ATP13A4: variants seen among roughly 807,000 people sequenced by gnomAD.
The protein encoded by ATP13A4 is probable cation-transporting ATPase 13A4.
In ATP13A4, 114 loss-of-function variants were observed where a neutral mutation model predicts 142.5. The ratio of observed to expected loss-of-function variants is 0.80; its 90% CI spans 0.69 to 0.93. The LOEUF (loss-of-function observed/expected upper bound fraction) is 0.93. ATP13A4 is among the 40% of genes least tolerant of loss of function. The pLI is 0.00. For synonymous variants in ATP13A4, 488 were observed against 514.8 expected (o/e 0.95, Z 0.70); for missense variants, 1,392 against 1,454.0 (o/e 0.96, Z 0.69).
chr3:193,489,857 T>C lies in ATP13A4; in HGVS notation c.611A>G (p.Asn204Ser). Reference protein sequence around the residue: ...IWKLLIKEVLNPFYIFQLFSV... With the variant: ...IWKLLIKEVLSPFYIFQLFSV... Reference sequence around the variant, plus strand: ...GAAGAGTTGAAATATATAAAATGGATTTAGAACCTGTTGGCAGACATAAAA... The same window carrying C: ...GAAGAGTTGAAATATATAAAATGGACTTAGAACCTGTTGGCAGACATAAAA... The change falls in exon 7 of 30, where the codon AAT becomes AGT. Residue 204 changes from asparagine to serine, a missense_variant. By Grantham distance (46) the Asn-to-Ser change is conservative (BLOSUM62 1). Coordinates refer to ENST00000342695, the MANE Select transcript of ATP13A4 (RefSeq NM_032279.4). 6.2e-7 allele frequency: 1 copy of C among 1,612,928 alleles called. No homozygotes were observed. The highest frequency in any genetic ancestry group is 8.5e-7 in the Non-Finnish European group (1 of 1,179,188).
At chr3:193,418,574 T>C (rs561921968) in intron 25 of ATP13A4, among the ~76,000 whole-genome samples, 2 of 149,600 alleles carry the variant, frequency 1.3e-5, no homozygotes, top group East Asian at 4.2e-4. Flanking sequence ...CCCCACTCTC[T>C]AGCCAGGATC....
intron 18 of ATP13A4, 123 bp from the exon 19 acceptor site, chr3:193,442,679 A>G: frequency 2.0e-6 from 2 of 1,005,668 alleles, no homozygotes; most frequent in Non-Finnish European, 3.0e-6. Flanking sequence ...ATGATCTCTG[A>G]TATCTATTTC....
intron 2 of ATP13A4, among the ~76,000 whole-genome samples, chr3:193,578,013 G>A (rs950430766): frequency 6.6e-6 from 1 of 152,044 alleles, no homozygotes; most frequent in Non-Finnish European, 1.5e-5. Context: ...GCATTTCTTG[G>A]GCTAGGTGCG....
At chr3:193,529,253 G>C (rs955909999) in intron 1 of ATP13A4, among the ~76,000 whole-genome samples, 4 of 149,676 alleles carry the variant, frequency 2.7e-5, no homozygotes, top group African/African-American at 9.8e-5. Context: ...CTGGGAGACA[G>C]AGCAAGACTC....
At chr3:193,569,218 G>T (rs551434108) in intron 2 of ATP13A4, among the ~76,000 whole-genome samples, 41 of 152,300 alleles carry the variant, frequency 2.7e-4, no homozygotes, top group African/African-American at 9.6e-4. Context: ...CTTCCCAAAA[G>T]CCCAGAATTC....
intron 2 of ATP13A4, among the ~76,000 whole-genome samples, chr3:193,564,330 A>G (rs1724086690): frequency 6.6e-6 from 1 of 152,268 alleles, no homozygotes; most frequent in Non-Finnish European, 1.5e-5. Flanking sequence ...GAGGGTAAGC[A>G]AGCTGTTAAG....
At chr3:193,547,495 T>C (rs544370517) in intron 1 of ATP13A4, among the ~76,000 whole-genome samples, 48 of 152,326 alleles carry the variant, frequency 3.2e-4, no homozygotes, top group African/African-American at 9.4e-4. Flanking sequence ...TTGAGAATCA[T>C]TGGAAAGGAT....
Position 193,573,525 on chromosome 3 carries a change from A to G in ATP13A4, n.291+8182T>C, listed in dbSNP as rs951445046. Among the ~76,000 whole-genome samples the G allele has an allele frequency of 2.0e-5, 3 of 151,872 alleles. No individual in the cohort carries two copies. The East Asian group carries it at 5.8e-4, about 29-fold the overall frequency. ...CTCACTGCCGCTGCAACAGGCTGGC[A>G]TGAGGGGCTCCTCTGTGAACCTCCT... On this transcript the variant is annotated intron_variant and non_coding_transcript_variant, in intron 2 of 3. Transcript: ENST00000489140.
rs1220963840 is a variant in ATP13A4, at chr3:193,467,352, AAGCT to A, written c.1074_1077del (p.Cys360LeufsTer4). The A allele has an allele frequency of 6.2e-7, 1 of 1,614,186 alleles. No individual in the cohort carries two copies. Among genetic ancestry groups the A allele is most frequent in the Admixed American group, 1.7e-5 (1 of 60,020 alleles). On this transcript the variant is annotated frameshift_variant, in exon 10 of 30. Transcript: ENST00000342695. LOFTEE classifies it high-confidence loss of function. ...ACCACGGCTCTCACGGTCCCAGAGC[AAGCT>A]GCCTTGGCCTGGATAACCTCTGTTC... is the stretch of plus-strand genomic sequence containing the variant.
rs138954948 is a variant in ATP13A4 at position 193,404,975 on chromosome 3, C to A, written c.3379-2111G>T. ...TAAAGGTGGGGGCAATTAAAGCTATCCACACTACCTCTCATGCCTCTCAGC... is the reference window on the plus strand; with the variant it reads ...TAAAGGTGGGGGCAATTAAAGCTATACACACTACCTCTCATGCCTCTCAGC... On this transcript the variant is annotated intron_variant, in intron 29 of 29. Transcript: ENST00000342695. Among the ~76,000 whole-genome samples the A allele has an allele frequency of 6.3e-3, 956 of 152,262 alleles. 11 individuals are homozygous for A. The highest frequency in any genetic ancestry group is 0.022 in the African/African-American group (894 of 41,546).
intron 17 of ATP13A4, among the ~76,000 whole-genome samples, chr3:193,451,681 A>G (rs533144204): frequency 6.6e-6 from 1 of 152,350 alleles, no homozygotes; most frequent in South Asian, 2.1e-4. Context: ...CCCTGTGATT[A>G]CATCTCATGT....
chr3:193,533,855 G>A (rs914956804), intron 1 of ATP13A4, among the ~76,000 whole-genome samples: 2 of 152,152 alleles, frequency 1.3e-5, no homozygotes, highest in African/African-American at 2.4e-5. Context: ...AAATGGTAAT[G>A]AACACCCCAC....
At chr3:193,581,506 T>C (rs758672000) in intron 2 of ATP13A4, among the ~76,000 whole-genome samples, 2 of 152,152 alleles carry the variant, frequency 1.3e-5, no homozygotes, top group East Asian at 3.9e-4. Flanking sequence ...ACAAATGCAA[T>C]GGACGTGATA....
chr3:193,412,880 T>A (rs888819541), intron 26 of ATP13A4, among the ~76,000 whole-genome samples: 1 of 152,132 alleles, frequency 6.6e-6, no homozygotes. Context: ...AAAAATTAGC[T>A]GCACATGGCA....
Position 193,491,357 on chromosome 3 carries a change from G to C in ATP13A4, c.575C>G (p.Thr192Arg). 1.2e-6 allele frequency: 2 copies of C among 1,602,554 alleles called. No homozygotes were observed. Among genetic ancestry groups the C allele is most frequent in the Non-Finnish European group, 8.5e-7 (1 of 1,169,936 alleles). The change falls in exon 6 of 30, where the codon ACA becomes AGA. Residue 192 changes from threonine (T) to arginine (R), a missense_variant. Thr to Arg is a moderately conservative substitution (Grantham distance 71). Transcript: ENST00000342695. ...CTTGATGAGCAGTTTCCAAATTGGT[G>C]TAACTTCAACATCGATAGTATTAGG... is the stretch of plus-strand genomic sequence containing the variant. The part of the protein sequence containing the change: ...CGPNTIDVEV[T>R]PIWKLLIKEV...
At chr3:193,499,060 A>C (rs1262337863) in intron 3 of ATP13A4, among the ~76,000 whole-genome samples, 1 of 152,252 alleles carries the variant, frequency 6.6e-6, no homozygotes, top group Non-Finnish European at 1.5e-5. Context: ...CAATAGGTGT[A>C]TGTACAGGTA....
At chr3:193,579,556 C>T (rs963675418) in intron 2 of ATP13A4, 5 of 151,962 alleles carry the variant, frequency 3.3e-5, no homozygotes, top group Admixed American at 1.3e-4. Context: ...GTTAGGCAGT[C>T]TAAACATCAC....
At chr3:193,442,655 A>T in intron 18 of ATP13A4, 99 bp from the exon 19 acceptor site, 1 of 1,197,014 alleles carries the variant, frequency 8.4e-7, no homozygotes, top group Admixed American at 1.7e-5. Context: ...TCCTTATTTC[A>T]GGTATGAAGA....
At chr3:193,500,861 T>A (rs577349553) in intron 3 of ATP13A4, among the ~76,000 whole-genome samples, 2 of 152,342 alleles carry the variant, frequency 1.3e-5, no homozygotes, top group African/African-American at 4.8e-5. Context: ...GTTACTAGCA[T>A]AGCTCATTGA....
Sources: gnomAD v4.1 joint callset for allele counts (sites outside exome capture counted in the v4.1 genomes callset) on GRCh38, gnomAD v4.1.1 for gene constraint, MANE v1.5 for transcripts, NCBI Gene and HGNC (gene_info 2026-07-23, HGNC 2026-07-21) for gene names.